RGS6: variants seen among roughly 807,000 people sequenced by gnomAD.
The protein encoded by RGS6 is regulator of G protein signaling 6, also known as regulator of G-protein signaling 6.
In RGS6, 30 loss-of-function variants were observed where a neutral mutation model predicts 78.5. The observed-to-expected ratio is 0.38, with a 90% CI of 0.29 to 0.52. The LOEUF (loss-of-function observed/expected upper bound fraction) is 0.52. Ranked by LOEUF, RGS6 falls within the 20% of genes least tolerant of loss-of-function variation. The pLI, the probability that RGS6 is intolerant of heterozygous loss-of-function variation, is 0.85. For missense variants in RGS6, 495 were observed against 609.7 expected (o/e 0.81, Z 1.98); for synonymous variants, 206 against 206.0 (o/e 1.00, Z 0.00).
chr14:72,581,277 C>T, the RGS6 span, among the ~76,000 whole-genome samples: 1 of 152,178 alleles, frequency 6.6e-6, no homozygotes, highest in Non-Finnish European at 1.5e-5. Context: ...TACTTCATGG[C>T]ACCCCATCTA....
At chr14:71,998,455 G>A (rs1338204605) in intron 2 of RGS6, among the ~76,000 whole-genome samples, 1 of 152,216 alleles carries the variant, frequency 6.6e-6, no homozygotes, top group Non-Finnish European at 1.5e-5. Context: ...TAAGGTCAGA[G>A]TACATCCCTG....
chr14:72,235,846 C>A (rs1182873009), intron 2 of RGS6, among the ~76,000 whole-genome samples: 1 of 152,196 alleles, frequency 6.6e-6, no homozygotes, highest in African/African-American at 2.4e-5. Flanking sequence ...CATAGAAATA[C>A]ATAAATTCTA....
At chr14:71,972,164 T>G (rs182640500) in intron 2 of RGS6, among the ~76,000 whole-genome samples, 48 of 152,104 alleles carry the variant, frequency 3.2e-4, no homozygotes, top group Non-Finnish European at 5.7e-4. Context: ...CAGCCCAATT[T>G]TGGACATATT....
At chr14:71,881,668 G>A in the RGS6 span, among the ~76,000 whole-genome samples, 1 of 152,194 alleles carries the variant, frequency 6.6e-6, no homozygotes, top group East Asian at 1.9e-4. Context: ...GGAATTGTGA[G>A]TCCATTAAAA....
At chr14:72,606,631 A>G in the RGS6 span, among the ~76,000 whole-genome samples, 198 of 152,320 alleles carry the variant, frequency 1.3e-3, 5 homozygotes, top group East Asian at 0.036. Flanking sequence ...GCTTGAACAT[A>G]ACTTGGATCC....
chr14:71,893,479 T>A, the RGS6 span, among the ~76,000 whole-genome samples: 3 of 152,174 alleles, frequency 2.0e-5, no homozygotes, highest in African/African-American at 7.2e-5. Flanking sequence ...TATTACCACA[T>A]TTGCTTTGTC....
chr14:71,952,912 C>T (rs933639212), intron 1 of RGS6, among the ~76,000 whole-genome samples: 4 of 152,054 alleles, frequency 2.6e-5, no homozygotes, highest in African/African-American at 7.2e-5. Context: ...TTCTTAGGTC[C>T]CCTGGGAACA....
intron 2 of RGS6, among the ~76,000 whole-genome samples, chr14:72,270,923 T>C (rs2059839761): frequency 6.6e-6 from 1 of 152,244 alleles, no homozygotes; most frequent in Admixed American, 6.5e-5. Context: ...CCTTTTGTCA[T>C]GCATTTCAGC....
chr14:72,265,246 G>A (rs574771724), intron 2 of RGS6, among the ~76,000 whole-genome samples: 1 of 152,226 alleles, frequency 6.6e-6, no homozygotes, highest in African/African-American at 2.4e-5. Context: ...ACGGTGCTGG[G>A]CATCCTTGCA....
At chr14:72,612,369 C>T in the RGS6 span, 1 of 473,342 alleles carries the variant, frequency 2.1e-6, no homozygotes, top group Non-Finnish European at 4.2e-6. Context: ...ACCTCCTCTG[C>T]TCTGAGATAA....
chr14:72,478,699 A>G (rs907741840), intron 12 of RGS6, among the ~76,000 whole-genome samples: 6 of 152,232 alleles, frequency 3.9e-5, no homozygotes, highest in African/African-American at 1.4e-4. Flanking sequence ...GGGAAAAGAA[A>G]TTATGTGTGT....
chr14:72,596,442 C>G, the RGS6 span, among the ~76,000 whole-genome samples: 1 of 151,978 alleles, frequency 6.6e-6, no homozygotes, highest in African/African-American at 2.4e-5. Flanking sequence ...TAATTTCCCC[C>G]TCATCATGAA....
intron 1 of RGS6, among the ~76,000 whole-genome samples, chr14:71,942,819 G>C (rs1049503943): frequency 2.4e-4 from 36 of 152,090 alleles, no homozygotes; most frequent in Admixed American, 6.5e-5. Flanking sequence ...TTTATGTGTG[G>C]TAACTTCAAA....
intron 2 of RGS6, among the ~76,000 whole-genome samples, chr14:72,030,455 C>A (rs1255666774): frequency 6.6e-6 from 1 of 152,154 alleles, no homozygotes; most frequent in Non-Finnish European, 1.5e-5. Flanking sequence ...TGGCTGGTAT[C>A]AGTGTTGATC....
intron 2 of RGS6, among the ~76,000 whole-genome samples, chr14:72,156,832 C>A (rs938647881): frequency 7.9e-5 from 12 of 152,204 alleles, no homozygotes; most frequent in African/African-American, 2.4e-4. Flanking sequence ...CAGGGACAGC[C>A]AGGCTGACTC....
intron 2 of RGS6, among the ~76,000 whole-genome samples, chr14:72,078,805 C>T (rs1413302971): frequency 6.6e-6 from 1 of 152,148 alleles, no homozygotes; most frequent in East Asian, 1.9e-4. Context: ...CTTCTGAATC[C>T]AAGCCTCCAA....
chr14:71,939,978 C>T (rs942939589), intron 1 of RGS6, among the ~76,000 whole-genome samples: 53 of 152,192 alleles, frequency 3.5e-4, no homozygotes, highest in African/African-American at 1.3e-3. Context: ...GGGGGTTCTG[C>T]CAGCTGCTAA....
At chr14:72,604,317 A>G in the RGS6 span, among the ~76,000 whole-genome samples, 1 of 152,160 alleles carries the variant, frequency 6.6e-6, no homozygotes, top group East Asian at 1.9e-4. Context: ...CTCCACTTGG[A>G]AAGCCCATCC....
intron 2 of RGS6, among the ~76,000 whole-genome samples, chr14:72,122,310 G>C (rs541239672): frequency 6.6e-6 from 1 of 152,220 alleles, no homozygotes; most frequent in Non-Finnish European, 1.5e-5. Context: ...ATGTTGCCTC[G>C]ACTCAAGCTC....
Sources: gnomAD v4.1 joint callset for allele counts (sites outside exome capture counted in the v4.1 genomes callset) on GRCh38, gnomAD v4.1.1 for gene constraint, MANE v1.5 for transcripts, NCBI Gene and HGNC (gene_info 2026-07-23, HGNC 2026-07-21) for gene names.